NAALADL1: variants seen among roughly 807,000 people sequenced by gnomAD.
The protein encoded by NAALADL1 is aminopeptidase NAALADL1.
A neutral mutation model predicts 82.8 loss-of-function variants in NAALADL1; 77 were observed. That is an observed-to-expected ratio of 0.93 (90% confidence interval 0.77 to 1.12). NAALADL1 has a LOEUF of 1.12. Ranked by LOEUF, NAALADL1 falls within the 50% of genes most tolerant of loss-of-function variation. NAALADL1 has a pLI of 0.00. For synonymous variants in NAALADL1, 358 were observed against 399.2 expected, an observed-to-expected ratio of 0.90 and a Z score of 1.23; for missense variants, 956 against 964.0, an observed-to-expected ratio of 0.99 and a Z score of 0.11.
At position 65,045,286 on chromosome 11, in the gene NAALADL1, A is replaced by T. The variant is rs139650114; in HGVS notation, c.2208T>A (p.Pro736=). ...ALEGAAATLR[P]VADL ...AGGGCTGGGGTCAGAGGTCAGCCACAGGCCTCAGGGTGGCTGCCGCACCCT... is the reference window on the plus strand; with the variant it reads ...AGGGCTGGGGTCAGAGGTCAGCCACTGGCCTCAGGGTGGCTGCCGCACCCT... The change falls in exon 18 of 18, where the codon CCT becomes CCA. Residue 736 remains proline, a synonymous_variant. Coordinates refer to ENST00000358658, the MANE Select transcript of NAALADL1 (RefSeq NM_005468.3). 1 of 1,605,880 alleles carries T rather than the reference A, an allele frequency of 6.2e-7. No individual in the cohort carries two copies. Among genetic ancestry groups the T allele is most frequent in the Non-Finnish European group, 8.5e-7 (1 of 1,174,672 alleles).
Position 65,058,428 on chromosome 11 carries a change from CT to C in NAALADL1, c.93del (p.Ala32ProfsTer106). 2.5e-6 allele frequency: 4 copies of C among 1,614,078 alleles called. No homozygotes were observed. Among genetic ancestry groups the C allele is most frequent in the African/African-American group, 1.3e-5 (1 of 75,038 alleles). ...AGGTCCTGGGGGGCCAGTGAGTTGG[CT>C]TTTTTGGGGATGGCAAAGTGGCCGA... ...IILGHFAIPK[K>X]ANSLAPQDLD... On this transcript the variant is annotated frameshift_variant, in exon 1 of 18. Coordinates refer to ENST00000358658, the MANE Select transcript of NAALADL1 (RefSeq NM_005468.3). LOFTEE classifies it high-confidence loss of function.
chr11:65,052,847 ACCTGG>A lies in NAALADL1; in HGVS notation c.1198+366_1198+370del, dbSNP rs1946925342. Reference sequence around the variant, plus strand: ...TGCCTCCACTGAGAGACTTGTCCCAACCTGGCCTGCCATGTCAAAGGCACACAAGA... The same window carrying A: ...TGCCTCCACTGAGAGACTTGTCCCAACCTGCCATGTCAAAGGCACACAAGA... On this transcript the variant is annotated intron_variant, in intron 8 of 17. Coordinates refer to ENST00000358658, the MANE Select transcript of NAALADL1 (RefSeq NM_005468.3). Among the ~76,000 whole-genome samples, 14 of 152,242 alleles carry A rather than the reference ACCTGG, an allele frequency of 9.2e-5. No individual in the cohort carries two copies. In the South Asian group the frequency reaches 2.9e-3, roughly 32 times the overall value.
rs57513853 is a variant in NAALADL1 at position 65,046,375 on chromosome 11, G to A, written c.1682-13C>T. The A allele has an allele frequency of 4.0e-5, 65 of 1,614,184 alleles. No individual in the cohort carries two copies. The African/African-American group carries it at 8.3e-4, about 21-fold the overall frequency. ...TGGCTGCTGAAGCCTGCGGCAAGGT[G>A]ACAAGGCCAGGGCTCAGTCTTCAGC... On this transcript the variant is annotated splice_polypyrimidine_tract_variant and intron_variant, in intron 14 of 17. Coordinates refer to ENST00000358658, the MANE Select transcript of NAALADL1 (RefSeq NM_005468.3).
chr11:65,049,089 C>T (rs1043271939), intron 8 of NAALADL1, among the ~76,000 whole-genome samples: 1 of 152,134 alleles, frequency 6.6e-6, no homozygotes, highest in African/African-American at 2.4e-5. Flanking sequence ...GGTGCGATCT[C>T]GGCTCCCCAC....
At position 65,046,443 on chromosome 11, in the gene NAALADL1, A is replaced by C; in HGVS notation, c.1681+2T>G. On this transcript the variant is annotated splice_donor_variant, in intron 14 of 17. Coordinates refer to ENST00000358658, the MANE Select transcript of NAALADL1 (RefSeq NM_005468.3). LOFTEE classifies it high-confidence loss of function. ...CAGGATGCCCCTTGTCTCCCTCCTC[A>C]CCCGGGTCCAAAAACTTGTCCACAT... 1 of 1,613,822 alleles carries C rather than the reference A, an allele frequency of 6.2e-7. No homozygotes were observed. The highest frequency in any genetic ancestry group is 8.5e-7 in the Non-Finnish European group (1 of 1,179,954).
chr11:65,059,596 C>T (rs531926300), upstream of NAALADL1, among the ~76,000 whole-genome samples: 3 of 152,332 alleles, frequency 2.0e-5, no homozygotes, highest in South Asian at 4.1e-4. Flanking sequence ...TCTTCTATCC[C>T]CTGGCTCTGC....
rs781506949 is a variant in NAALADL1, at chr11:65,047,718, G to T, written c.1437C>A (p.Gly479=). The change falls in exon 12 of 18, where the codon GGC becomes GGA. Residue 479 remains glycine (G), a synonymous_variant. Coordinates refer to ENST00000358658, the MANE Select transcript of NAALADL1 (RefSeq NM_005468.3). ...TCCAGTTGTCGTAGATGCTCAGGTC[G>T]CCAGGGCCTGGTGAGCGGATCTGGC... ...ATKEIRSPGP[G]DLSIYDNWIR... is the part of the protein sequence containing the mutation. 5 of 1,605,094 alleles carry T rather than the reference G, an allele frequency of 3.1e-6. No homozygotes were observed. In the African/African-American group the frequency reaches 6.7e-5, roughly 21 times the overall value.
upstream of NAALADL1, among the ~76,000 whole-genome samples, chr11:65,058,717 G>A (rs1160381840): frequency 6.6e-6 from 1 of 152,178 alleles, no homozygotes; most frequent in African/African-American, 2.4e-5. Flanking sequence ...CATTTGCCTG[G>A]AATGGCTCTC....
intron 8 of NAALADL1, among the ~76,000 whole-genome samples, chr11:65,050,853 CT>C: frequency 6.6e-6 from 1 of 152,058 alleles, no homozygotes; most frequent in Middle Eastern, 3.4e-3. Context: ...ATAGCCAAGG[CT>C]TTTTTCCCCT....
rs1946695430 is a variant in NAALADL1 at position 65,045,406 on chromosome 11, T to C, written c.2088A>G (p.Leu696=). ...CCCTGGCCCTGGAGCAGGCATTGGA[T>C]AGGCCCGGGAATGTGACTACGGAGC... ...RTGSVVTFPG[L]SNACSRARDT... Residue 696 remains leucine, a synonymous_variant, in exon 18 of 18, where the codon CTA becomes CTG. Transcript: ENST00000358658. 6.2e-7 allele frequency: 1 copy of C among 1,613,096 alleles called. No individual in the cohort carries two copies. Among genetic ancestry groups the C allele is most frequent in the African/African-American group, 1.3e-5 (1 of 74,884 alleles).
chr11:65,048,439 C>A (rs1026115434), intron 8 of NAALADL1, 54 bp from the exon 9 acceptor site: 5 of 1,601,648 alleles, frequency 3.1e-6, no homozygotes, highest in East Asian at 2.2e-5. Context: ...TCCTAGGGTG[C>A]CTTAGGAGAA....
chr11:65,045,580 T>G, intron 17 of NAALADL1, 123 bp from the exon 18 acceptor site: 1 of 1,108,686 alleles, frequency 9.0e-7, no homozygotes, highest in Non-Finnish European at 1.3e-6. Flanking sequence ...CGTCCACTTG[T>G]CTCTGAAGGC....
At position 65,054,582 on chromosome 11, in the gene NAALADL1, C is replaced by T. The variant is rs761030005; in HGVS notation, c.760G>A (p.Gly254Arg). The T allele has an allele frequency of 1.4e-5, 23 of 1,613,582 alleles. No individual in the cohort carries two copies. The highest frequency in any genetic ancestry group is 1.9e-5 in the Non-Finnish European group (22 of 1,179,748). The change falls in exon 5 of 18, where the codon GGG (glycine) becomes AGG (arginine). Residue 254 changes from glycine to arginine, a missense_variant. Coordinates refer to ENST00000358658, the MANE Select transcript of NAALADL1 (RefSeq NM_005468.3). This position sits in a 1 kb window ranked among gnomAD's most constrained non-coding sequence, Gnocchi z 4.3. Reference sequence around the variant, plus strand: ...GGAAGGTAGGGAGTCAGAGGGTCCCCAAAATACTCGTAGTAGGAGCCTCGC... The same window carrying T: ...GGAAGGTAGGGAGTCAGAGGGTCCCTAAAATACTCGTAGTAGGAGCCTCGC... ...VERGSYYEYFGDPLTPYLPAV... is the reference protein window; with the variant it reads ...VERGSYYEYFRDPLTPYLPAV...
intron 8 of NAALADL1, among the ~76,000 whole-genome samples, chr11:65,049,015 A>G (rs560495472): frequency 1.3e-5 from 2 of 152,106 alleles, no homozygotes; most frequent in East Asian, 3.9e-4. Context: ...GTGAGCTGAG[A>G]TCGTGCCACT....
chr11:65,057,243 G>T, intron 4 of NAALADL1, 128 bp downstream of exon 4: 1 of 1,397,992 alleles, frequency 7.2e-7, no homozygotes, highest in Non-Finnish European at 9.5e-7. Context: ...TGCCTTTCCT[G>T]CCCCACCCTG....
In NAALADL1 at chr11:65,054,749, C is replaced by A; in HGVS notation, c.604-11G>T. The A allele has an allele frequency of 6.2e-7, 1 of 1,610,814 alleles. No individual in the cohort carries two copies. On this transcript the variant is annotated splice_polypyrimidine_tract_variant and intron_variant, in intron 4 of 17. Transcript: ENST00000358658. The surrounding 1 kb of genome is among the most constrained non-coding windows in gnomAD (Gnocchi z 4.3). ...GGCAGCGTTCACAGCCTGCAGTGGG[C>A]AGAGGAGGCTGTGTGTAAGGGAGGG... is the stretch of plus-strand genomic sequence containing the variant.
chr11:65,047,917 G>A, intron 11 of NAALADL1, 64 bp downstream of exon 11: 1 of 1,426,540 alleles, frequency 7.0e-7, no homozygotes, highest in Non-Finnish European at 9.5e-7. Context: ...ACCCGTAGCG[G>A]CCCCGTCCGC....
intron 11 of NAALADL1, 71 bp downstream of exon 11, chr11:65,047,910 C>CCCT: frequency 1.5e-6 from 2 of 1,358,306 alleles, no homozygotes; most frequent in Admixed American, 2.2e-5. Flanking sequence ...CCCGCCCACC[C>CCCT]GTAGCGGCCC....
intron 11 of NAALADL1, 32 bp from the exon 12 acceptor site, chr11:65,047,770 C>T (rs1354494023): frequency 6.4e-7 from 1 of 1,563,560 alleles, no homozygotes. Flanking sequence ...TCTCGGTGCG[C>T]GGCCCTCCCC....
Sources: gnomAD v4.1 joint callset for allele counts (sites outside exome capture counted in the v4.1 genomes callset) on GRCh38, gnomAD v4.1.1 for gene constraint, Gnocchi (gnomAD v3.1) non-coding constraint, MANE v1.5 for transcripts, NCBI Gene and HGNC (gene_info 2026-07-23, HGNC 2026-07-21) for gene names.